The following C17orf78 variants were observed in gnomAD, a reference collection of about 807,000 sequenced individuals.
C17orf78 encodes the protein chromosome 17 open reading frame 78.
In C17orf78, 27 loss-of-function variants were observed where a neutral mutation model predicts 31.8. The observed-to-expected ratio is 0.85, with a 90% CI of 0.63 to 1.17. The LOEUF is 1.17. C17orf78 is among the 50% of genes most tolerant of loss of function. The pLI, the probability that C17orf78 is intolerant of heterozygous loss-of-function variation, is 0.00. For missense variants in C17orf78, 258 were observed against 315.2 expected (o/e 0.82, Z 1.37); for synonymous variants, 106 against 115.1 (o/e 0.92, Z 0.51).
intron 3 of C17orf78, 43 bp downstream of exon 3, chr17:37,379,425 T>C: frequency 6.3e-7 from 1 of 1,587,320 alleles, no homozygotes; most frequent in African/African-American, 1.3e-5. Flanking sequence ...TAACTTTTAG[T>C]TGACATCCTT....
intron 3 of C17orf78, among the ~76,000 whole-genome samples, chr17:37,380,568 C>G (rs1007108234): frequency 2.0e-5 from 3 of 151,948 alleles, no homozygotes; most frequent in African/African-American, 7.3e-5. Context: ...TCTGATGGAT[C>G]TTCTTTCAAC....
intron 2 of C17orf78, 139 bp downstream of exon 2, chr17:37,378,104 T>C: frequency 1.4e-6 from 1 of 707,592 alleles, no homozygotes. Context: ...CAGGGGGCTT[T>C]CTGGAAACCA....
chr17:37,389,446 C>A, intron 6 of C17orf78, 84 bp downstream of exon 6: 2 of 1,494,168 alleles, frequency 1.3e-6, no homozygotes, highest in Non-Finnish European at 1.8e-6. Flanking sequence ...CCTCTATTCC[C>A]AGCACTTTGA....
chr17:37,390,189 A>C (rs2050748294), intron 6 of C17orf78, among the ~76,000 whole-genome samples: 1 of 67,966 alleles, frequency 1.5e-5, no homozygotes, highest in Non-Finnish European at 2.5e-5. Context: ...CACACACATT[A>C]TATATAAATA....
chr17:37,388,763 T>C lies in C17orf78; in HGVS notation c.602T>C (p.Ile201Thr), dbSNP rs1479565876. 4 of 1,613,196 alleles carry C rather than the reference T, an allele frequency of 2.5e-6. No homozygotes were observed. The highest frequency in any genetic ancestry group is 3.4e-6 in the Non-Finnish European group (4 of 1,179,556). The change falls in exon 5 of 7, where the codon ATA becomes ACA. Residue 201 changes from isoleucine to threonine, a missense_variant. Coordinates refer to ENST00000615133, the MANE Select transcript of C17orf78 (RefSeq NM_173625.5). ...VTLLLSGVAI[I>T]VFVIFEVPCP... ...CTGTTGCTCAGTGGAGTTGCCATTA[T>C]AGTATTTGTAATTTTTGAAGTCCCA...
At chr17:37,382,695 A>G (rs2050352109) in intron 3 of C17orf78, among the ~76,000 whole-genome samples, 1 of 152,184 alleles carries the variant, frequency 6.6e-6, no homozygotes, top group South Asian at 2.1e-4. Context: ...CCTCGTCTCT[A>G]CTAAAAATAC....
chr17:37,389,701 GA>G (rs1034855459), intron 6 of C17orf78, among the ~76,000 whole-genome samples: 14 of 151,276 alleles, frequency 9.3e-5, no homozygotes, highest in Admixed American at 5.3e-4. Flanking sequence ...AAAAAAGAAA[GA>G]AAAAAAGAAA....
At chr17:37,382,911 C>G (rs1035446568) in intron 3 of C17orf78, among the ~76,000 whole-genome samples, 1 of 151,964 alleles carries the variant, frequency 6.6e-6, no homozygotes, top group Admixed American at 6.6e-5. Flanking sequence ...GAGGCACGCG[C>G]TTGTAGTCCC....
chr17:37,386,694 C>T (rs1432991338), intron 4 of C17orf78, among the ~76,000 whole-genome samples: 2 of 152,132 alleles, frequency 1.3e-5, no homozygotes, highest in Non-Finnish European at 2.9e-5. Flanking sequence ...CTCACCCTGT[C>T]GCCAGAATTA....
intron 4 of C17orf78, chr17:37,387,725 C>A (rs1237349834): frequency 6.6e-6 from 1 of 152,226 alleles, no homozygotes; most frequent in South Asian, 2.1e-4. Context: ...GGATTACAGG[C>A]ATGAGCCACC....
intron 4 of C17orf78, chr17:37,386,829 T>G (rs2050555726): frequency 6.6e-6 from 1 of 152,314 alleles, no homozygotes; most frequent in Non-Finnish European, 1.5e-5. Context: ...CTTTTTCTTT[T>G]TTTTTTTTTG....
chr17:37,381,790 G>C (rs1414648671), intron 3 of C17orf78, among the ~76,000 whole-genome samples: 5 of 151,616 alleles, frequency 3.3e-5, no homozygotes, highest in African/African-American at 1.2e-4. Flanking sequence ...ACCACACCCA[G>C]TTAATTTTTT....
intron 3 of C17orf78, among the ~76,000 whole-genome samples, chr17:37,381,879 G>C (rs1053542302): frequency 6.6e-6 from 1 of 150,858 alleles, no homozygotes; most frequent in African/African-American, 2.4e-5. Flanking sequence ...TGCCCGCCTT[G>C]GCCTCCCAAA....
Position 37,381,940 on chromosome 17 carries a change from A to G in C17orf78, c.391+2558A>G, listed in dbSNP as rs149071593. Among the ~76,000 whole-genome samples the G allele has an allele frequency of 3.3e-5, 5 of 152,236 alleles. No homozygotes were observed. In the East Asian group the frequency reaches 7.7e-4, roughly 24 times the overall value. On this transcript the variant is annotated intron_variant, in intron 3 of 6. Coordinates refer to ENST00000615133, the MANE Select transcript of C17orf78 (RefSeq NM_173625.5). The stretch of plus-strand genomic sequence containing the variant: ...CTGCACCCGGCCATGTCTCTTCTAT[A>G]TTCTACTAGCCCCCTATTGATATAT...
intron 1 of C17orf78, among the ~76,000 whole-genome samples, chr17:37,376,688 C>T (rs922120443): frequency 6.6e-6 from 1 of 152,174 alleles, no homozygotes; most frequent in Admixed American, 6.6e-5. Flanking sequence ...GGCACGGTGG[C>T]TCATGACTGT....
At chr17:37,379,062 G>A in intron 2 of C17orf78, 75 bp from the exon 3 acceptor site, 2 of 1,482,202 alleles carry the variant, frequency 1.3e-6, no homozygotes, top group Non-Finnish European at 9.0e-7. Context: ...ACAGAGCAAG[G>A]CACCGTCTCA....
Position 37,376,003 on chromosome 17 carries a change from C to A in C17orf78, c.-90C>A. On this transcript the variant is annotated 5_prime_UTR_variant, in exon 1 of 7. Transcript: ENST00000615133. Reference sequence around the variant, plus strand: ...TCAGGGTCAAACTTGGTTCCAGCTGCGTGTGGTGAAAGCAACTAGAGGCAG... The same window carrying A: ...TCAGGGTCAAACTTGGTTCCAGCTGAGTGTGGTGAAAGCAACTAGAGGCAG... The A allele has an allele frequency of 9.0e-7, 1 of 1,114,584 alleles. No homozygotes were observed. Among genetic ancestry groups the A allele is most frequent in the Non-Finnish European group, 1.4e-6 (1 of 738,596 alleles). The allele number at this position is 1,114,584 out of a possible 1,614,324, so 69.0% of individuals were successfully genotyped here.
At chr17:37,388,634 T>A in intron 4 of C17orf78, 36 bp from the exon 5 acceptor site, 1 of 1,596,630 alleles carries the variant, frequency 6.3e-7, no homozygotes. Context: ...TCTCAAATTT[T>A]CTTTTCTCCC....
chr17:37,385,184 A>C (rs538670141), intron 3 of C17orf78, among the ~76,000 whole-genome samples: 1 of 152,170 alleles, frequency 6.6e-6, no homozygotes, highest in African/African-American at 2.4e-5. Flanking sequence ...TTTGAAAGCA[A>C]GGCCAGGCTG....
Sources: allele counts gnomAD v4.1 joint callset (sites outside exome capture counted in the v4.1 genomes callset), GRCh38; gene constraint gnomAD v4.1.1; transcripts MANE v1.5; gene names NCBI Gene and HGNC (gene_info 2026-07-23, HGNC 2026-07-21).